The following LIX1 variants were observed in gnomAD, a reference collection of about 807,000 sequenced individuals.
LIX1 encodes the protein protein limb expression 1 homolog.
In LIX1, 24 loss-of-function variants were observed where a neutral mutation model predicts 33.4. That is an observed-to-expected ratio of 0.72 (90% CI 0.52 to 1.01). LIX1 has a LOEUF of 1.01. Ranked by LOEUF, LIX1 falls within the 50% of genes least tolerant of loss-of-function variation. The pLI, the probability that LIX1 is intolerant of heterozygous loss-of-function variation, is 0.00. For missense variants in LIX1, 311 were observed against 339.2 expected (o/e 0.92, Z 0.65); for synonymous variants, 124 against 124.0 (o/e 1.00, Z 0.00).
intron 3 of LIX1, among the ~76,000 whole-genome samples, chr5:97,106,856 T>C (rs1327311977): frequency 6.6e-6 from 1 of 152,230 alleles, no homozygotes; most frequent in Non-Finnish European, 1.5e-5. Flanking sequence ...CTAACACATA[T>C]TGGGCATACG....
chr5:97,137,998 A>T (rs1748207119), intron 1 of LIX1, among the ~76,000 whole-genome samples: 3 of 152,200 alleles, frequency 2.0e-5, no homozygotes, highest in Admixed American at 6.5e-5. Context: ...AGTCTGGTCC[A>T]GTTTTTCCAA....
At chr5:97,117,516 A>G (rs1747667041) in intron 2 of LIX1, among the ~76,000 whole-genome samples, 1 of 152,186 alleles carries the variant, frequency 6.6e-6, no homozygotes. Context: ...TCTACTGGGA[A>G]AAACTTAATT....
intron 1 of LIX1, among the ~76,000 whole-genome samples, chr5:97,137,473 A>G (rs904064224): frequency 6.6e-6 from 1 of 152,156 alleles, no homozygotes; most frequent in African/African-American, 2.4e-5. Flanking sequence ...TACTGAAAAA[A>G]AAAAAGAACC....
chr5:97,095,558 AG>A (rs1386361569), intron 5 of LIX1, among the ~76,000 whole-genome samples: 1 of 152,252 alleles, frequency 6.6e-6, no homozygotes, highest in Admixed American at 6.5e-5. Flanking sequence ...TATTAGCACA[AG>A]GGAGATGGTC....
rs1395525337 is a variant in LIX1, at chr5:97,094,765, G to C, written c.832C>G (p.Leu278Val). 6.2e-7 allele frequency: 1 copy of C among 1,613,980 alleles called. No individual in the cohort carries two copies. Among genetic ancestry groups the C allele is most frequent in the Non-Finnish European group, 8.5e-7 (1 of 1,179,894 alleles). ...PSDDQLSLTA[L>V]CGYH ...TGGCCTTGCTAGTGATAGCCACACA[G>C]GGCCGTAAGGCTCAGCTGATCATCA... The change falls in exon 6 of 6, where the codon CTG becomes GTG. Residue 278 changes from leucine (L) to valine (V), a missense_variant. Physicochemically the swap from Leu to Val is conservative, Grantham distance 32 (BLOSUM62 1). Coordinates refer to ENST00000274382, the MANE Select transcript of LIX1 (RefSeq NM_153234.5).
intron 5 of LIX1, among the ~76,000 whole-genome samples, chr5:97,095,675 C>G (rs1746337702): frequency 6.6e-6 from 1 of 152,128 alleles, no homozygotes; most frequent in Non-Finnish European, 1.5e-5. Context: ...TTGTCTTTTA[C>G]TTTTACAAAC....
chr5:97,119,194 GCTCAGTAAGAA>G (rs1170503325), intron 2 of LIX1, among the ~76,000 whole-genome samples: 1 of 152,144 alleles, frequency 6.6e-6, no homozygotes, highest in Non-Finnish European at 1.5e-5. Context: ...GACGTCCATG[GCTCAGTAAGAA>G]GGCTACTGCT....
At chr5:97,123,773 T>C (rs1747843039) in intron 2 of LIX1, among the ~76,000 whole-genome samples, 1 of 152,214 alleles carries the variant, frequency 6.6e-6, no homozygotes, top group African/African-American at 2.4e-5. Context: ...TTGCCACACA[T>C]TAACCCTTAT....
chr5:97,119,790 G>A (rs777272923), intron 2 of LIX1, among the ~76,000 whole-genome samples: 34 of 151,718 alleles, frequency 2.2e-4, no homozygotes, highest in Non-Finnish European at 4.4e-4. Context: ...TTACCTAAGG[G>A]AAGAGCTATC....
intron 2 of LIX1, among the ~76,000 whole-genome samples, chr5:97,120,628 G>A (rs1179025481): frequency 7.9e-5 from 12 of 152,188 alleles, no homozygotes; most frequent in Admixed American, 7.9e-4. Context: ...AGATCTCAAT[G>A]TGAGTATGGG....
chr5:97,110,464 G>C (rs550453158), intron 2 of LIX1, among the ~76,000 whole-genome samples: 9 of 152,098 alleles, frequency 5.9e-5, no homozygotes, highest in Non-Finnish European at 1.2e-4. Context: ...GTGAGATGGA[G>C]TTTCACTCTT....
At chr5:97,105,386 G>T (rs531285469) in intron 3 of LIX1, 101 bp from the exon 4 acceptor site, 2 of 939,858 alleles carry the variant, frequency 2.1e-6, no homozygotes, top group African/African-American at 1.6e-5. Context: ...CCTATTTTTG[G>T]TCTAACCTGA....
At chr5:97,111,231 A>G (rs139884583) in intron 2 of LIX1, among the ~76,000 whole-genome samples, 1 of 152,224 alleles carries the variant, frequency 6.6e-6, no homozygotes, top group Non-Finnish European at 1.5e-5. Flanking sequence ...TGAATAAGCA[A>G]CAATACAGCC....
At chr5:97,102,729 CTTT>C (rs200978547) in intron 4 of LIX1, among the ~76,000 whole-genome samples, 1 of 143,734 alleles carries the variant, frequency 7.0e-6, no homozygotes, top group African/African-American at 2.6e-5. Context: ...AATTTTAAGA[CTTT>C]TTTTTTTTTT....
intron 1 of LIX1, among the ~76,000 whole-genome samples, chr5:97,127,780 C>A (rs1184009545): frequency 6.6e-6 from 1 of 152,136 alleles, no homozygotes; most frequent in African/African-American, 2.4e-5. Context: ...CTTCAGTGCC[C>A]AGCCAATGAT....
At chr5:97,110,669 C>G (rs1308603101) in intron 2 of LIX1, among the ~76,000 whole-genome samples, 1 of 152,146 alleles carries the variant, frequency 6.6e-6, no homozygotes, top group Non-Finnish European at 1.5e-5. Flanking sequence ...GTCTCGAACT[C>G]CCAACCTCAG....
chr5:97,126,761 T>G (rs1055915814), intron 1 of LIX1, among the ~76,000 whole-genome samples: 3 of 149,888 alleles, frequency 2.0e-5, no homozygotes, highest in Non-Finnish European at 4.4e-5. Flanking sequence ...TGCCTCAGCC[T>G]CCTGAGTAGC....
In LIX1 at chr5:97,142,562, C is replaced by G. The variant is rs1273410093; in HGVS notation, c.15G>C (p.Leu5Phe). ...GGGCAATGATGTGTCTCAGAGATTC[C>G]AAGGTTCTGTCCATCTTGGGTCTGC... Reference protein sequence around the residue: MDRTLESLRHIIAQV... With the variant: MDRTFESLRHIIAQV... Residue 5 changes from leucine to phenylalanine, a missense_variant, in exon 1 of 6, where the codon TTG (leucine) becomes TTC (phenylalanine). Transcript: ENST00000274382. 6.2e-7 allele frequency: 1 copy of G among 1,613,866 alleles called. No homozygotes were observed. The highest frequency in any genetic ancestry group is 1.7e-5 in the Admixed American group (1 of 60,008).
Position 97,099,565 on chromosome 5 carries a change from T to C in LIX1, c.484-2678A>G, listed in dbSNP as rs1746576562. ...AGAGAAAATAAATATTGGCCAGGTG[T>C]GGTGGCTTGTGCCTATAATCCCAGC... On this transcript the variant is annotated intron_variant, in intron 4 of 5. Coordinates refer to ENST00000274382, the MANE Select transcript of LIX1 (RefSeq NM_153234.5). Among the ~76,000 whole-genome samples the C allele has an allele frequency of 2.0e-5, 3 of 152,322 alleles. No homozygotes were observed. In the South Asian group the frequency reaches 6.2e-4, roughly 32 times the overall value.
Sources: gnomAD v4.1 joint callset for allele counts (sites outside exome capture counted in the v4.1 genomes callset) on GRCh38, gnomAD v4.1.1 for gene constraint, MANE v1.5 for transcripts, NCBI Gene and HGNC (gene_info 2026-07-23, HGNC 2026-07-21) for gene names.